The following ABCB11 variants were observed in gnomAD, a reference collection of about 807,000 sequenced individuals.
ABCB11 encodes the protein ATP binding cassette subfamily B member 11, also known as bile salt export pump.
A neutral mutation model predicts 148.0 loss-of-function variants in ABCB11; 95 were observed. The ratio of observed to expected loss-of-function variants is 0.64; its 90% CI spans 0.54 to 0.76. The LOEUF (loss-of-function observed/expected upper bound fraction) is 0.76. Ranked by LOEUF, ABCB11 falls within the 30% of genes least tolerant of loss-of-function variation. The pLI is 0.00. For missense variants in ABCB11, 1,523 were observed against 1,617.8 expected, an observed-to-expected ratio of 0.94 and a Z score of 1.01; for synonymous variants, 591 against 555.4, an observed-to-expected ratio of 1.06 and a Z score of -0.90.
intron 19 of ABCB11, among the ~76,000 whole-genome samples, chr2:168,946,949 T>C (rs1314497594): frequency 6.6e-6 from 1 of 151,828 alleles, no homozygotes; most frequent in African/African-American, 2.4e-5. Context: ...GGCATCTCTC[T>C]ATCCATAATC....
chr2:168,999,048 G>A (rs896717385), intron 5 of ABCB11, among the ~76,000 whole-genome samples: 3 of 151,980 alleles, frequency 2.0e-5, no homozygotes, highest in African/African-American at 7.2e-5. Context: ...CCCCAGGAAG[G>A]ATTCTATAAA....
chr2:168,957,154 C>T (rs1692835898), intron 19 of ABCB11, among the ~76,000 whole-genome samples: 1 of 151,626 alleles, frequency 6.6e-6, no homozygotes, highest in Non-Finnish European at 1.5e-5. Flanking sequence ...ATTTTGATAA[C>T]TAATCTTGCA....
At chr2:168,928,674 A>G (rs966037279) in intron 25 of ABCB11, among the ~76,000 whole-genome samples, 27 of 152,200 alleles carry the variant, frequency 1.8e-4, no homozygotes, top group African/African-American at 6.3e-4. Flanking sequence ...GGAAAAGTAA[A>G]TATGAGGGAT....
intron 21 of ABCB11, among the ~76,000 whole-genome samples, chr2:168,942,309 G>A (rs1692099348): frequency 1.3e-5 from 2 of 151,766 alleles, no homozygotes; most frequent in South Asian, 4.2e-4. Context: ...CAATCCTACT[G>A]TGTATGTATG....
At chr2:168,924,610 A>G in intron 27 of ABCB11, 47 bp downstream of exon 27, 1 of 1,579,344 alleles carries the variant, frequency 6.3e-7, no homozygotes, top group Non-Finnish European at 8.6e-7. Context: ...TTTTACAGCA[A>G]AAGACTTATT....
chr2:168,996,895 T>C (rs943489489), intron 5 of ABCB11, among the ~76,000 whole-genome samples, 173 bp from the exon 6 acceptor site: 6 of 150,208 alleles, frequency 4.0e-5, no homozygotes, highest in African/African-American at 1.5e-4. Context: ...AGACATTTTA[T>C]CTATGCAAAA....
intron 5 of ABCB11, among the ~76,000 whole-genome samples, chr2:168,997,930 T>G (rs1694764213): frequency 6.6e-6 from 1 of 151,992 alleles, no homozygotes; most frequent in Non-Finnish European, 1.5e-5. Flanking sequence ...GCTTTGACTT[T>G]CAAAATACTA....
chr2:168,940,433 G>C (rs1289693677), intron 21 of ABCB11, among the ~76,000 whole-genome samples: 2 of 152,068 alleles, frequency 1.3e-5, no homozygotes, highest in Non-Finnish European at 2.9e-5. Context: ...CTACAACATT[G>C]CCTTAAGCCA....
Position 168,971,931 on chromosome 2 carries a change from A to G in ABCB11, c.1554T>C (p.Tyr518=), listed in dbSNP as rs2105963892. 1 of 1,613,112 alleles carries G rather than the reference A, an allele frequency of 6.2e-7. No individual in the cohort carries two copies. The highest frequency in any genetic ancestry group is 1.7e-5 in the Admixed American group (1 of 59,896). ...CTTCCATTGTTGCATCTTCTCTGCC[A>G]TAGCGAATATTTTCTGCAATGGTGG... ...FSTTIAENIR[Y]GREDATMEDI... is the part of the protein sequence containing the mutation. The change falls in exon 14 of 28, where the codon TAT becomes TAC. Residue 518 remains tyrosine, a synonymous_variant. Coordinates refer to ENST00000650372, the MANE Select transcript of ABCB11 (RefSeq NM_003742.4).
chr2:169,013,592 TCTC>T, intron 4 of ABCB11, 82 bp from the exon 5 acceptor site: 1 of 1,150,364 alleles, frequency 8.7e-7, no homozygotes, highest in Non-Finnish European at 1.3e-6. Context: ...GTTACTAGAT[TCTC>T]ATGAATAGTA....
At position 168,936,334 on chromosome 2, in the gene ABCB11, T is replaced by C; in HGVS notation, c.2710A>G (p.Ile904Val). The change falls in exon 22 of 28, where the codon ATC (isoleucine) becomes GTC (valine). Residue 904 changes from isoleucine to valine, a missense_variant. Ile to Val is a conservative substitution (Grantham distance 29, BLOSUM62 3). Transcript: ENST00000650372. Reference protein sequence around the residue: ...FSFSWKLSLVILCFFPFLALS... With the variant: ...FSFSWKLSLVVLCFFPFLALS... ...GCCAAGAAGGGGAAGAAGCACAAGA[T>C]GACCAGGCTCAGCTTCCAGCTAAAG... The C allele has an allele frequency of 6.2e-7, 1 of 1,613,930 alleles. No individual in the cohort carries two copies. Among genetic ancestry groups the C allele is most frequent in the Non-Finnish European group, 8.5e-7 (1 of 1,179,882 alleles).
intron 10 of ABCB11, among the ~76,000 whole-genome samples, chr2:168,985,700 C>T (rs1204575673): frequency 6.6e-6 from 1 of 151,994 alleles, no homozygotes; most frequent in Non-Finnish European, 1.5e-5. Context: ...GAATGGAAAA[C>T]CAAATATTGC....
At chr2:168,951,068 CA>C (rs945598597) in intron 19 of ABCB11, among the ~76,000 whole-genome samples, 2 of 151,490 alleles carry the variant, frequency 1.3e-5, no homozygotes, top group Non-Finnish European at 3.0e-5. Flanking sequence ...TTGACTTTTT[CA>C]AAGATAACTT....
At position 169,018,153 on chromosome 2, in the gene ABCB11, C is replaced by T. The variant is rs1272189885; in HGVS notation, c.-27-1G>A. ...TAATTGCAACCCACAGCCAACGACC[C>T]TATAAAATAAAATAAAAGAATCATT... On this transcript the variant is annotated splice_acceptor_variant, in intron 1 of 27. Transcript: ENST00000650372. LOFTEE classifies it low-confidence loss of function (5UTR_SPLICE). 6.2e-7 allele frequency: 1 copy of T among 1,608,058 alleles called. No homozygotes were observed. Among genetic ancestry groups the T allele is most frequent in the Non-Finnish European group, 8.5e-7 (1 of 1,175,982 alleles).
At chr2:168,941,874 C>T (rs1692077244) in intron 21 of ABCB11, among the ~76,000 whole-genome samples, 1 of 151,944 alleles carries the variant, frequency 6.6e-6, no homozygotes, top group African/African-American at 2.4e-5. Flanking sequence ...AAAGCTATTG[C>T]ATAGTTAGTA....
rs921568311 is a variant in ABCB11 at position 168,984,445 on chromosome 2, A to C, written c.1083+1665T>G. 2.0e-5 allele frequency among the ~76,000 whole-genome samples: 3 copies of C among 152,222 alleles called. No individual in the cohort carries two copies. The East Asian group carries it at 5.8e-4, about 29-fold the overall frequency. ...TGAATAATTACTTATTGAATGAATAACTGTAAAGACAATGAAAATTAAAGG... is the reference window on the plus strand; with the variant it reads ...TGAATAATTACTTATTGAATGAATACCTGTAAAGACAATGAAAATTAAAGG... On this transcript the variant is annotated intron_variant, in intron 10 of 27. Transcript: ENST00000650372.
At chr2:169,014,182 T>G in intron 4 of ABCB11, 121 bp downstream of exon 4, 1 of 952,756 alleles carries the variant, frequency 1.0e-6, no homozygotes, top group African/African-American at 1.6e-5. Context: ...AGCCTATGAC[T>G]GAAAAAGTGA....
At chr2:169,025,165 C>T (rs1020754747) in intron 1 of ABCB11, among the ~76,000 whole-genome samples, 4 of 152,092 alleles carry the variant, frequency 2.6e-5, no homozygotes, top group African/African-American at 4.8e-5. Context: ...CTTGGCTTAG[C>T]TCTCCATTTA....
At chr2:168,920,366 T>A (rs950782471), downstream of ABCB11, among the ~76,000 whole-genome samples, 66 of 123,920 alleles carry the variant, frequency 5.3e-4, no homozygotes, top group African/African-American at 1.4e-4. Flanking sequence ...GACTATTTTT[T>A]AAAATAGTCT....
Sources: allele counts gnomAD v4.1 joint callset (sites outside exome capture counted in the v4.1 genomes callset), GRCh38; gene constraint gnomAD v4.1.1; transcripts MANE v1.5; gene names NCBI Gene and HGNC (gene_info 2026-07-23, HGNC 2026-07-21).